Variants in AP3B2 observed in about 807,000 individuals in gnomAD.
AP3B2 encodes AP-3 complex subunit beta-2.
In AP3B2, 50 loss-of-function variants were observed where a neutral mutation model predicts 126.9. The observed-to-expected ratio is 0.39, with a 90% CI of 0.31 to 0.50. The LOEUF (loss-of-function observed/expected upper bound fraction) is 0.50. AP3B2 is among the 20% of genes least tolerant of loss of function. AP3B2 has a pLI of 0.79. For synonymous variants in AP3B2, 541 were observed against 565.0 expected (o/e 0.96, Z 0.60); for missense variants, 1,177 against 1,426.4 (o/e 0.83, Z 2.82).
At position 82,681,005 on chromosome 15, in the gene AP3B2, A is replaced by G; in HGVS notation, c.603T>C (p.Ser201=). The G allele has an allele frequency of 1.9e-6, 3 of 1,613,674 alleles. No individual in the cohort carries two copies. The highest frequency in any genetic ancestry group is 2.5e-6 in the Non-Finnish European group (3 of 1,179,854). The change falls in exon 7 of 27, where the codon AGT becomes AGC. Residue 201 remains serine (S), a synonymous_variant. Coordinates refer to ENST00000535359, the MANE Select transcript of AP3B2 (RefSeq NM_001278512.2). This position sits in a 1 kb window ranked among gnomAD's most constrained non-coding sequence, Gnocchi z 4.0. The part of the protein sequence containing the change: ...LADKTTLVAG[S]VVMAFEEVCP... ...AGACCTCCTCAAAGGCCATCACCAC[A>G]CTGCCCGCCACCAGCTGGGGAAAGA...
At chr15:82,696,110 C>T (rs1055259537) in intron 1 of AP3B2, among the ~76,000 whole-genome samples, 8 of 152,160 alleles carry the variant, frequency 5.3e-5, no homozygotes, top group African/African-American at 1.9e-4. Flanking sequence ...AGAAATCAGT[C>T]ATATTGGATT....
intron 1 of AP3B2, among the ~76,000 whole-genome samples, chr15:82,707,794 A>C (rs903240646): frequency 3.3e-5 from 5 of 152,096 alleles, no homozygotes; most frequent in African/African-American, 7.2e-5. Context: ...AATCCTATAC[A>C]ACAAATGTTT....
chr15:82,664,447 C>T lies in AP3B2; in HGVS notation c.2181G>A (p.Glu727=). The change falls in exon 19 of 27, where the codon GAG becomes GAA. Residue 727 remains glutamate, a synonymous_variant. Coordinates refer to ENST00000535359, the MANE Select transcript of AP3B2 (RefSeq NM_001278512.2). The surrounding 1 kb of genome is among the most constrained non-coding windows in gnomAD (Gnocchi z 4.5). ...CACTGCTGGACTCCCCAGAGCCGCT[C>T]TCACTGCTGCTCTTACTGTCCGATT... ...ESESDSKSSS[E]SGSGESSSES... is the part of the protein sequence containing the mutation. 1 of 1,613,950 alleles carries T rather than the reference C, an allele frequency of 6.2e-7. No homozygotes were observed. Among genetic ancestry groups the T allele is most frequent in the South Asian group, 1.1e-5 (1 of 91,076 alleles).
At chr15:82,694,888 CAG>C (rs2151455694) in intron 1 of AP3B2, among the ~76,000 whole-genome samples, 1 of 152,192 alleles carries the variant, frequency 6.6e-6, no homozygotes, top group Non-Finnish European at 1.5e-5. Context: ...ATTTCTGAGA[CAG>C]AGCTCCTAAA....
intron 12 of AP3B2, 74 bp from the exon 13 acceptor site, chr15:82,677,457 A>G (rs2048262548): frequency 7.0e-7 from 1 of 1,436,252 alleles, no homozygotes; most frequent in African/African-American, 1.4e-5. Context: ...ACACACCTGC[A>G]GTGCCCCAGG....
rs2048316088 is a variant in AP3B2 at position 82,680,410 on chromosome 15, C to T, written c.1055+62G>A. On this transcript the variant is annotated intron_variant, in intron 8 of 26. Transcript: ENST00000535359. This position sits in a 1 kb window ranked among gnomAD's most constrained non-coding sequence, Gnocchi z 6.1. ...GCTGGTGGGCGTGAGGGGGCGGAGC[C>T]GGGCAGCCCGTGGGGCGGGGCAGGA... 1 of 1,257,646 alleles carries T rather than the reference C, an allele frequency of 8.0e-7. No homozygotes were observed. The highest frequency in any genetic ancestry group is 1.8e-5 in the African/African-American group (1 of 54,912). 77.9% of individuals were successfully genotyped at this position (1,257,646 alleles called of 1,614,324 possible).
intron 10 of AP3B2, among the ~76,000 whole-genome samples, chr15:82,679,160 G>A (rs2048289214): frequency 6.6e-6 from 1 of 152,138 alleles, no homozygotes; most frequent in Non-Finnish European, 1.5e-5. Flanking sequence ...TTTCGCTCTT[G>A]TCACCCAGGC....
chr15:82,696,315 C>G (rs905506621), intron 1 of AP3B2, among the ~76,000 whole-genome samples: 2 of 152,114 alleles, frequency 1.3e-5, no homozygotes, highest in African/African-American at 4.8e-5. Context: ...TGGTGGCTCA[C>G]GCTTGTAATT....
chr15:82,665,420 C>T lies in AP3B2; in HGVS notation c.1971+37G>A. 3 of 1,159,022 alleles carry T rather than the reference C, an allele frequency of 2.6e-6. No individual in the cohort carries two copies. Among genetic ancestry groups the T allele is most frequent in the Non-Finnish European group, 3.7e-6 (3 of 811,358 alleles). The allele number at this position is 1,159,022 out of a possible 1,614,324, so 71.8% of individuals were successfully genotyped here. Reference sequence around the variant, plus strand: ...ACACACACACACACACACACACACACACACACACACACACTTCAACCCTCC... The same window carrying T: ...ACACACACACACACACACACACACATACACACACACACACTTCAACCCTCC... On this transcript the variant is annotated intron_variant, in intron 16 of 26. Coordinates refer to ENST00000535359, the MANE Select transcript of AP3B2 (RefSeq NM_001278512.2). This position sits in a 1 kb window ranked among gnomAD's most constrained non-coding sequence, Gnocchi z 4.4.
intron 15 of AP3B2, 148 bp downstream of exon 15, chr15:82,666,599 C>T (rs2048063468): frequency 3.6e-6 from 3 of 835,002 alleles, no homozygotes; most frequent in Middle Eastern, 3.7e-4. Context: ...CCTGGTGCCA[C>T]AGGAGGGACA....
At position 82,664,650 on chromosome 15, in the gene AP3B2, G is replaced by A. The variant is rs1256936581; in HGVS notation, c.2138-160C>T. On this transcript the variant is annotated intron_variant, in intron 18 of 26. Transcript: ENST00000535359. This position sits in a 1 kb window ranked among gnomAD's most constrained non-coding sequence, Gnocchi z 4.5. ...AGCTGGAACTGACAGAAACACAGAT[G>A]GACTCCATGGATAGAAACCTGCACA... 6.6e-6 allele frequency among the ~76,000 whole-genome samples: 1 copy of A among 152,106 alleles called. No homozygotes were observed. Among genetic ancestry groups the A allele is most frequent in the East Asian group, 1.9e-4 (1 of 5,196 alleles).
At position 82,664,794 on chromosome 15, in the gene AP3B2, TGGGCAGAGCACAGA is replaced by T. The variant is rs762187643; in HGVS notation, c.2137+27_2137+40del. ...TCATATAGTCAGTCACACAGATGCATGGGCAGAGCACAGAGGACCCCAGCTCTGCCATCTGCTCA... is the reference window on the plus strand; with the variant it reads ...TCATATAGTCAGTCACACAGATGCATGGACCCCAGCTCTGCCATCTGCTCA... On this transcript the variant is annotated intron_variant, in intron 18 of 26. Transcript: ENST00000535359. This position sits in a 1 kb window ranked among gnomAD's most constrained non-coding sequence, Gnocchi z 4.5. The T allele has an allele frequency of 1.4e-4, 206 of 1,440,886 alleles. No individual in the cohort carries two copies. Among genetic ancestry groups the T allele is most frequent in the Non-Finnish European group, 1.9e-4 (196 of 1,044,302 alleles). The allele number at this position is 1,440,886 out of a possible 1,614,324, so 89.3% of individuals were successfully genotyped here. A position where few individuals can be genotyped will look rare whatever the true frequency, so the allele number is the denominator to read the frequency against.
At chr15:82,693,573 A>T (rs2048583375) in intron 1 of AP3B2, among the ~76,000 whole-genome samples, 2 of 152,052 alleles carry the variant, frequency 1.3e-5, no homozygotes, top group South Asian at 4.1e-4. Context: ...ACTTGTATAC[A>T]TATTTCACCC....
chr15:82,705,283 C>T (rs1454969506), intron 1 of AP3B2, among the ~76,000 whole-genome samples: 2 of 152,168 alleles, frequency 1.3e-5, no homozygotes, highest in Admixed American at 6.5e-5. Context: ...TGTTATCACT[C>T]GCCTGTTACA....
At chr15:82,660,128 G>T in intron 25 of AP3B2, 145 bp from the exon 26 acceptor site, 1 of 1,102,828 alleles carries the variant, frequency 9.1e-7, no homozygotes. Context: ...CAGTCTTGGG[G>T]AGAAGGTACT....
Position 82,680,575 on chromosome 15 carries a change from C to T in AP3B2, c.952G>A (p.Ala318Thr), listed in dbSNP as rs1234049432. The T allele has an allele frequency of 8.2e-6, 13 of 1,586,274 alleles. No homozygotes were observed. The highest frequency in any genetic ancestry group is 1.1e-5 in the South Asian group (1 of 89,242). ...TGCGCCACCGCCATCACCACCGCGGCGCTGCGGCTCTGCAGCAGGGGTTTG... is the reference window on the plus strand; with the variant it reads ...TGCGCCACCGCCATCACCACCGCGGTGCTGCGGCTCTGCAGCAGGGGTTTG... ...NTKPLLQSRS[A>T]AVVMAVAQLY... Residue 318 changes from alanine to threonine, a missense_variant, in exon 8 of 27, where the codon GCC becomes ACC. Ala to Thr is a moderately conservative substitution (Grantham distance 58). This residue lies in a region of AP3B2 where 308 missense variants were observed against 452.4 expected (regional missense o/e 0.68). Coordinates refer to ENST00000535359, the MANE Select transcript of AP3B2 (RefSeq NM_001278512.2). The surrounding 1 kb of genome is among the most constrained non-coding windows in gnomAD (Gnocchi z 6.1).
intron 1 of AP3B2, chr15:82,691,876 G>T: frequency 7.9e-7 from 1 of 1,258,742 alleles, no homozygotes; most frequent in Admixed American, 1.8e-5. Flanking sequence ...TATCATGAGA[G>T]TGGAATTTAG....
At chr15:82,692,329 G>A (rs1164566176) in intron 1 of AP3B2, 6 of 568,070 alleles carry the variant, frequency 1.1e-5, no homozygotes, top group Non-Finnish European at 1.8e-5. Flanking sequence ...GGCTCACCAC[G>A]CAGATGCGCT....
chr15:82,692,930 A>G (rs1333213378), intron 1 of AP3B2: 3 of 152,074 alleles, frequency 2.0e-5, no homozygotes, highest in African/African-American at 7.2e-5. Flanking sequence ...TTCAAAGGGA[A>G]CATTTTGTCA....
Sources: allele counts gnomAD v4.1 joint callset (sites outside exome capture counted in the v4.1 genomes callset), GRCh38; gene constraint gnomAD v4.1.1; regional missense constraint gnomAD v4.1.1; non-coding constraint Gnocchi (gnomAD v3.1); transcripts MANE v1.5; gene names NCBI Gene and HGNC (gene_info 2026-07-23, HGNC 2026-07-21).